The following PRMT8 variants were observed in gnomAD, a reference collection of about 807,000 sequenced individuals.
PRMT8 encodes the protein protein arginine methyltransferase 8.
Under a neutral mutation model 47.1 loss-of-function variants are expected in PRMT8, and 7 were observed. The ratio of observed to expected loss-of-function variants is 0.15; its 90% CI spans 0.08 to 0.28. The LOEUF (loss-of-function observed/expected upper bound fraction) is 0.28, where lower values mean the gene tolerates loss of function less well. Among genes scored for constraint, PRMT8 ranks in the 10% least tolerant of loss-of-function variants. The pLI is 1.00. For synonymous variants in PRMT8, 188 were observed against 186.5 expected (o/e 1.01, Z -0.07); for missense variants, 237 against 505.4 (o/e 0.47, Z 5.09).
intron 1 of PRMT8, among the ~76,000 whole-genome samples, chr12:3,506,079 T>C (rs1865619573): frequency 6.6e-6 from 1 of 152,186 alleles, no homozygotes; most frequent in Admixed American, 6.5e-5. Flanking sequence ...GGGTTAATTG[T>C]GCAGGCTCTG....
At chr12:3,445,914 G>A (rs1047999754) in intron 1 of PRMT8, among the ~76,000 whole-genome samples, 1 of 152,120 alleles carries the variant, frequency 6.6e-6, no homozygotes, top group African/African-American at 2.4e-5. Flanking sequence ...GCCGTCCTGA[G>A]CCACCTACCT....
intron 1 of PRMT8, among the ~76,000 whole-genome samples, chr12:3,432,231 C>T (rs1864689149): frequency 6.6e-6 from 1 of 152,158 alleles, no homozygotes; most frequent in African/African-American, 2.4e-5. Flanking sequence ...CAGCAGGCCT[C>T]ACTGCAAGAT....
chr12:3,504,457 T>TGG (rs1865580505), intron 1 of PRMT8, among the ~76,000 whole-genome samples: 7 of 117,062 alleles, frequency 6.0e-5, no homozygotes, highest in African/African-American at 1.5e-4. Context: ...TGGAATACCC[T>TGG]GCCGTGTGAG....
intron 1 of PRMT8, among the ~76,000 whole-genome samples, chr12:3,511,446 G>A (rs961303954): frequency 6.6e-6 from 1 of 152,196 alleles, no homozygotes; most frequent in Non-Finnish European, 1.5e-5. Flanking sequence ...CAAAGGACGT[G>A]ACTCACTGCA....
chr12:3,527,757 C>G (rs1263616106), intron 1 of PRMT8, among the ~76,000 whole-genome samples: 1 of 152,050 alleles, frequency 6.6e-6, no homozygotes, highest in Admixed American at 6.5e-5. Context: ...GTTACCATTT[C>G]CAGAGCACTT....
intron 1 of PRMT8, among the ~76,000 whole-genome samples, chr12:3,391,357 A>C (rs1864191169): frequency 6.6e-6 from 1 of 152,238 alleles, no homozygotes; most frequent in South Asian, 2.1e-4. Context: ...TAAAGCCCTC[A>C]TTAAGAAGGT....
chr12:3,413,768 A>T (rs1176533063), intron 1 of PRMT8, among the ~76,000 whole-genome samples: 6 of 152,222 alleles, frequency 3.9e-5, no homozygotes, highest in Non-Finnish European at 8.8e-5. Flanking sequence ...GGGGGAAAAA[A>T]AACCAATAAA....
intron 1 of PRMT8, among the ~76,000 whole-genome samples, chr12:3,418,304 C>T (rs1370881203): frequency 2.6e-5 from 4 of 152,168 alleles, no homozygotes; most frequent in East Asian, 1.9e-4. Flanking sequence ...TTCTAAGTCC[C>T]GTGTTTAAGA....
chr12:3,556,379 G>A (rs1474515952), intron 4 of PRMT8, among the ~76,000 whole-genome samples: 4 of 152,116 alleles, frequency 2.6e-5, no homozygotes, highest in Non-Finnish European at 5.9e-5. Flanking sequence ...GATGCAGTCG[G>A]TTGAAGGGCA....
rs140545022 is a variant in PRMT8, at chr12:3,585,728, T to G, written c.979+2520T>G. ...CGTCAGCCAGGCAGTGCTGGTGCTT[T>G]CCTGCCCTGATCTGGGTCATTATCA... is the stretch of plus-strand genomic sequence containing the variant. On this transcript the variant is annotated intron_variant, in intron 8 of 9. Coordinates refer to ENST00000382622, the MANE Select transcript of PRMT8 (RefSeq NM_019854.5). Among the ~76,000 whole-genome samples, 19 of 152,236 alleles carry G rather than the reference T, an allele frequency of 1.2e-4. No individual in the cohort carries two copies. In the East Asian group the frequency reaches 3.7e-3, roughly 29 times the overall value.
At chr12:3,393,063 G>GT (rs888769782) in intron 1 of PRMT8, among the ~76,000 whole-genome samples, 3 of 151,620 alleles carry the variant, frequency 2.0e-5, no homozygotes, top group Non-Finnish European at 2.9e-5. Context: ...GGGGTTGTTT[G>GT]TTTTTTTTCT....
At chr12:3,479,257 A>G (rs1865249334) in intron 1 of PRMT8, among the ~76,000 whole-genome samples, 1 of 152,206 alleles carries the variant, frequency 6.6e-6, no homozygotes, top group Non-Finnish European at 1.5e-5. Context: ...GCTTCCCCCC[A>G]GCTCTCACTT....
chr12:3,546,706 G>A (rs902350351), intron 2 of PRMT8, among the ~76,000 whole-genome samples: 3 of 152,062 alleles, frequency 2.0e-5, no homozygotes, highest in Non-Finnish European at 4.4e-5. Context: ...AGAACTCCAG[G>A]CATATATGGT....
intron 1 of PRMT8, among the ~76,000 whole-genome samples, chr12:3,419,134 G>C (rs1303637920): frequency 6.6e-6 from 1 of 152,222 alleles, no homozygotes; most frequent in Non-Finnish European, 1.5e-5. Flanking sequence ...TGGAATGGTA[G>C]TGACGGCCAG....
intron 1 of PRMT8, among the ~76,000 whole-genome samples, chr12:3,408,978 G>A (rs1280553461): frequency 6.6e-6 from 1 of 152,208 alleles, no homozygotes; most frequent in African/African-American, 2.4e-5. Flanking sequence ...TTAGATGAGG[G>A]TATCCTTCTT....
rs1866468509 is a variant in PRMT8 at position 3,553,677 on chromosome 12, C to T, written c.444C>T (p.Tyr148=). ...FGIECSSISD[Y]SEKIIKANHL... ...TCGAATGCTCCAGTATTTCTGACTACTCAGAGAAGATCATTAAGGCCAACC... is the reference window on the plus strand; with the variant it reads ...TCGAATGCTCCAGTATTTCTGACTATTCAGAGAAGATCATTAAGGCCAACC... The change falls in exon 4 of 10, where the codon TAC becomes TAT. Residue 148 remains tyrosine, a synonymous_variant. Coordinates refer to ENST00000382622, the MANE Select transcript of PRMT8 (RefSeq NM_019854.5). 2 of 1,608,256 alleles carry T rather than the reference C, an allele frequency of 1.2e-6. No individual in the cohort carries two copies. Among genetic ancestry groups the T allele is most frequent in the East Asian group, 2.2e-5 (1 of 44,856 alleles).
intron 4 of PRMT8, among the ~76,000 whole-genome samples, chr12:3,558,492 TC>T (rs371534300): frequency 0.013 from 1,976 of 152,348 alleles, 19 homozygotes; most frequent in Non-Finnish European, 0.021. Flanking sequence ...CAGATCCTTT[TC>T]ATGTTTTGTC....
chr12:3,462,466 T>C (rs11615477), intron 1 of PRMT8, among the ~76,000 whole-genome samples: 8,744 of 152,058 alleles, frequency 0.058, 329 homozygotes, highest in Middle Eastern at 0.068. Context: ...TGTTAAACTA[T>C]AGGTGATAGT....
chr12:3,434,748 C>CTTT lies in PRMT8; in HGVS notation c.48+53316_48+53318dup, dbSNP rs35747379. On this transcript the variant is annotated intron_variant, in intron 1 of 9. Transcript: ENST00000452611. ...ATGGTGAACATGAATGAAGCCCCAT[C>CTTT]TTTTTTTTTTTTAAACTCAGATTCC... 1.2e-3 allele frequency among the ~76,000 whole-genome samples: 179 copies of CTTT among 147,208 alleles called. 2 individuals carry two copies. Among genetic ancestry groups the CTTT allele is most frequent in the Middle Eastern group, 3.5e-3 (1 of 286 alleles).
Sources: allele counts gnomAD v4.1 joint callset (sites outside exome capture counted in the v4.1 genomes callset), GRCh38; gene constraint gnomAD v4.1.1; transcripts MANE v1.5; gene names NCBI Gene and HGNC (gene_info 2026-07-23, HGNC 2026-07-21).